C1orf185: variants seen among roughly 807,000 people sequenced by gnomAD.
C1orf185 encodes the protein chromosome 1 open reading frame 185, also known as uncharacterized protein C1orf185.
Under a neutral mutation model 16.1 loss-of-function variants are expected in C1orf185, and 13 were observed. The observed-to-expected ratio is 0.81, with a 90% CI of 0.53 to 1.28. C1orf185 has a LOEUF of 1.28. Ranked by LOEUF, C1orf185 falls within the 50% of genes most tolerant of loss-of-function variation. C1orf185 has a pLI of 0.00. For synonymous variants in C1orf185, 80 were observed against 76.9 expected (o/e 1.04, Z -0.21); for missense variants, 220 against 225.2 (o/e 0.98, Z 0.15).
chr1:51,133,341 A>G (rs1458978711), intron 3 of C1orf185, among the ~76,000 whole-genome samples: 1 of 152,238 alleles, frequency 6.6e-6, no homozygotes, highest in Non-Finnish European at 1.5e-5. Context: ...CACAGGCTCA[A>G]AATAAAGGAA....
chr1:51,111,374 C>CTTTTTTT (rs11414730), intron 1 of C1orf185, among the ~76,000 whole-genome samples: 5 of 133,968 alleles, frequency 3.7e-5, no homozygotes, highest in Admixed American at 1.5e-4. Flanking sequence ...TTCTTTCTTT[C>CTTTTTTT]TTTTTTTTTT....
chr1:51,136,929 GCTT>G (rs1210388368), intron 3 of C1orf185, among the ~76,000 whole-genome samples: 2 of 152,082 alleles, frequency 1.3e-5, no homozygotes, highest in Non-Finnish European at 2.9e-5. Context: ...TAACTAAAGA[GCTT>G]CTGCACAGCA....
chr1:51,139,861 T>C (rs1461764333), intron 3 of C1orf185, among the ~76,000 whole-genome samples: 4 of 152,202 alleles, frequency 2.6e-5, no homozygotes, highest in Non-Finnish European at 5.9e-5. Context: ...CAGCATTGGC[T>C]CTACTTGGCA....
At chr1:51,123,239 C>A (rs906364826) in intron 3 of C1orf185, among the ~76,000 whole-genome samples, 81 of 152,228 alleles carry the variant, frequency 5.3e-4, no homozygotes, top group African/African-American at 2.0e-3. Flanking sequence ...CTATTTATGA[C>A]CCAATCACTT....
At chr1:51,128,535 TA>T (rs1159724918) in intron 3 of C1orf185, among the ~76,000 whole-genome samples, 8 of 151,412 alleles carry the variant, frequency 5.3e-5, no homozygotes, top group South Asian at 2.1e-4. Context: ...CTACTGAAAA[TA>T]AAAAAAATTA....
At chr1:51,111,977 GAT>G (rs1646124391) in intron 1 of C1orf185, among the ~76,000 whole-genome samples, 1 of 152,104 alleles carries the variant, frequency 6.6e-6, no homozygotes. Context: ...TTACCTTTTA[GAT>G]AAAACTTGTA....
chr1:51,133,481 A>G (rs1646300610), intron 3 of C1orf185, among the ~76,000 whole-genome samples: 1 of 152,230 alleles, frequency 6.6e-6, no homozygotes, highest in Non-Finnish European at 1.5e-5. Context: ...AATAGTAAAG[A>G]GTTCAATTTA....
In C1orf185 at chr1:51,147,539, G is replaced by A. The variant is rs371914739; in HGVS notation, c.368G>A (p.Ser123Asn). 1 of 1,551,482 alleles carries A rather than the reference G, an allele frequency of 6.4e-7. No homozygotes were observed. The highest frequency in any genetic ancestry group is 8.7e-7 in the Non-Finnish European group (1 of 1,146,894). Residue 123 changes from serine to asparagine, a missense_variant, in exon 5 of 5, where the codon AGC (serine) becomes AAC (asparagine). By Grantham distance (46) the Ser-to-Asn change is conservative. Transcript: ENST00000371759. Reference sequence around the variant, plus strand: ...ATCATTTGTGATCCCTCAGAGACCAGCTCCACAACAAATCGCAGCAGTGTT... The same window carrying A: ...ATCATTTGTGATCCCTCAGAGACCAACTCCACAACAAATCGCAGCAGTGTT... Reference protein sequence around the residue: ...KNIICDPSETSSTTNRSSVTL... With the variant: ...KNIICDPSETNSTTNRSSVTL...
intron 1 of C1orf185, among the ~76,000 whole-genome samples, chr1:51,103,096 A>C (rs1320227535): frequency 1.3e-5 from 2 of 152,108 alleles, no homozygotes; most frequent in Admixed American, 1.3e-4. Context: ...TATATATAAT[A>C]ATGATTTTAT....
At chr1:51,109,241 C>T (rs1036950880) in intron 1 of C1orf185, among the ~76,000 whole-genome samples, 1 of 152,088 alleles carries the variant, frequency 6.6e-6, no homozygotes, top group African/African-American at 2.4e-5. Flanking sequence ...CTATTCAGAT[C>T]ATCTTCCCAT....
intron 3 of C1orf185, among the ~76,000 whole-genome samples, chr1:51,123,305 T>C (rs1162625070): frequency 1.3e-5 from 2 of 152,230 alleles, no homozygotes; most frequent in South Asian, 2.1e-4. Context: ...GTGGATTAAG[T>C]TTCAACATGA....
intron 2 of C1orf185, among the ~76,000 whole-genome samples, chr1:51,113,525 G>A (rs1467596452): frequency 1.3e-5 from 2 of 151,792 alleles, no homozygotes; most frequent in Non-Finnish European, 2.9e-5. Flanking sequence ...CTCTACTAAC[G>A]ATAAACAAAG....
intron 3 of C1orf185, among the ~76,000 whole-genome samples, chr1:51,126,409 A>T (rs1646240892): frequency 6.6e-6 from 1 of 151,958 alleles, no homozygotes; most frequent in Non-Finnish European, 1.5e-5. Flanking sequence ...AACTACAGGT[A>T]CACACCACCA....
intron 1 of C1orf185, among the ~76,000 whole-genome samples, chr1:51,103,215 GGGCAACATAGAGAGATTCCA>G (rs1646044544): frequency 6.6e-6 from 1 of 151,896 alleles, no homozygotes; most frequent in Non-Finnish European, 1.5e-5. Context: ...AGACGAACCT[GGGCAACATAGAGAGATTCCA>G]TCTCTACAAA....
intron 1 of C1orf185, among the ~76,000 whole-genome samples, chr1:51,111,849 G>C (rs1212695397): frequency 2.0e-5 from 3 of 152,022 alleles, no homozygotes; most frequent in African/African-American, 7.2e-5. Context: ...ACTTTTTGTA[G>C]AGATGGTATT....
chr1:51,142,296 C>G (rs1646369757), intron 3 of C1orf185, among the ~76,000 whole-genome samples: 1 of 152,182 alleles, frequency 6.6e-6, no homozygotes, highest in African/African-American at 2.4e-5. Context: ...GACAATTCCT[C>G]AGCTTTTCTT....
chr1:51,102,383 G>A (rs976196736), intron 1 of C1orf185, 134 bp downstream of exon 1: 3 of 502,524 alleles, frequency 6.0e-6, no homozygotes, highest in East Asian at 6.2e-5. Flanking sequence ...TGAATCATGG[G>A]TATACAGTAG....
chr1:51,104,166 C>T (rs1646053351), intron 1 of C1orf185, among the ~76,000 whole-genome samples: 1 of 152,102 alleles, frequency 6.6e-6, no homozygotes, highest in South Asian at 2.1e-4. Flanking sequence ...CACGTATTTG[C>T]TGTTCAACAG....
intron 2 of C1orf185, among the ~76,000 whole-genome samples, chr1:51,117,239 A>G (rs1415855212): frequency 6.6e-6 from 1 of 152,222 alleles, no homozygotes; most frequent in Non-Finnish European, 1.5e-5. Context: ...TTAATGCCTC[A>G]TTAACATAAT....
Sources: allele counts gnomAD v4.1 joint callset (sites outside exome capture counted in the v4.1 genomes callset), GRCh38; gene constraint gnomAD v4.1.1; transcripts MANE v1.5; gene names NCBI Gene and HGNC (gene_info 2026-07-23, HGNC 2026-07-21).